Variants in PPP1R12A observed in about 807,000 individuals in gnomAD.
The protein encoded by PPP1R12A is protein phosphatase 1 regulatory subunit 12A, also known as myosin binding subunit.
A neutral mutation model predicts 139.6 loss-of-function variants in PPP1R12A; 19 were observed. The observed-to-expected ratio is 0.14, with a 90% CI of 0.09 to 0.20. The LOEUF (loss-of-function observed/expected upper bound fraction) is 0.20. Among genes scored for constraint, PPP1R12A ranks in the 10% least tolerant of loss-of-function variants. The pLI, the probability that PPP1R12A is intolerant of heterozygous loss-of-function variation, is 1.00. For synonymous variants in PPP1R12A, 427 were observed against 420.6 expected, an observed-to-expected ratio of 1.02 and a Z score of -0.19; for missense variants, 925 against 1,211.5, an observed-to-expected ratio of 0.76 and a Z score of 3.51.
Position 79,934,975 on chromosome 12 carries a change from G to T in PPP1R12A, c.-44C>A, listed in dbSNP as rs111390055. ...GTCTTCTTATCGCGAGGGGGGGAAG[G>T]GGGAGGCGGAGAGGGAAGAGAGGGG... On this transcript the variant is annotated 5_prime_UTR_variant, in exon 1 of 25. Transcript: ENST00000450142. 1 of 1,538,998 alleles carries T rather than the reference G, an allele frequency of 6.5e-7. No individual in the cohort carries two copies. Among genetic ancestry groups the T allele is most frequent in the Non-Finnish European group, 8.8e-7 (1 of 1,139,588 alleles).
intron 18 of PPP1R12A, 30 bp from the exon 19 acceptor site, chr12:79,793,958 G>T: frequency 1.4e-6 from 2 of 1,479,770 alleles, no homozygotes; most frequent in Non-Finnish European, 1.8e-6. Context: ...TTATATTTTA[G>T]GAAATTTTAG....
At chr12:79,883,168 C>A (rs1883803973) in intron 1 of PPP1R12A, among the ~76,000 whole-genome samples, 1 of 151,964 alleles carries the variant, frequency 6.6e-6, no homozygotes, top group Non-Finnish European at 1.5e-5. Context: ...ACAAAAAAAA[C>A]CCTCCACCAG....
intron 1 of PPP1R12A, among the ~76,000 whole-genome samples, chr12:79,894,671 G>C (rs779067142): frequency 2.6e-5 from 4 of 151,988 alleles, no homozygotes; most frequent in Non-Finnish European, 4.4e-5. Flanking sequence ...TCTTTTATTG[G>C]AAATCTTCCT....
chr12:79,796,674 T>C, intron 17 of PPP1R12A, 108 bp downstream of exon 17: 2 of 893,098 alleles, frequency 2.2e-6, no homozygotes, highest in Non-Finnish European at 3.2e-6. Flanking sequence ...GTTCGATGAA[T>C]CACAAGTTAG....
intron 20 of PPP1R12A, chr12:79,789,758 T>C (rs1346699080): frequency 2.5e-6 from 1 of 393,676 alleles, no homozygotes; most frequent in Non-Finnish European, 4.8e-6. Flanking sequence ...AAAAGATGGA[T>C]AATTTTGAAT....
chr12:79,880,227 C>G (rs892051619), intron 1 of PPP1R12A, among the ~76,000 whole-genome samples: 16 of 152,080 alleles, frequency 1.1e-4, no homozygotes, highest in Non-Finnish European at 2.4e-4. Context: ...ACTAAAATAT[C>G]ACGGAGGACA....
chr12:79,822,021 A>G, intron 6 of PPP1R12A, 95 bp downstream of exon 6: 4 of 919,062 alleles, frequency 4.4e-6, no homozygotes, highest in Non-Finnish European at 6.5e-6. Flanking sequence ...TTAAAACCAA[A>G]AAGTACAAAA....
chr12:79,816,130 T>C (rs1203779469), intron 9 of PPP1R12A, among the ~76,000 whole-genome samples: 1 of 152,132 alleles, frequency 6.6e-6, no homozygotes, highest in African/African-American at 2.4e-5. Context: ...ATGCACATAA[T>C]GTCAAACGAG....
At chr12:79,865,999 C>A (rs781044629) in intron 2 of PPP1R12A, among the ~76,000 whole-genome samples, 1 of 152,098 alleles carries the variant, frequency 6.6e-6, no homozygotes, top group Admixed American at 6.6e-5. Flanking sequence ...AAAAAAGAGC[C>A]GGCATAGCCA....
intron 2 of PPP1R12A, among the ~76,000 whole-genome samples, chr12:79,866,403 T>C (rs980216377): frequency 1.3e-5 from 2 of 152,170 alleles, no homozygotes; most frequent in African/African-American, 2.4e-5. Flanking sequence ...ATTCAGGACA[T>C]AGGCATGGGC....
intron 1 of PPP1R12A, among the ~76,000 whole-genome samples, chr12:79,923,192 T>C (rs548238387): frequency 3.3e-5 from 5 of 152,296 alleles, no homozygotes; most frequent in African/African-American, 9.6e-5. Context: ...GACAATCGCT[T>C]GAACCCAGGA....
intron 3 of PPP1R12A, among the ~76,000 whole-genome samples, chr12:79,838,124 G>A (rs1258344787): frequency 6.6e-6 from 1 of 152,200 alleles, no homozygotes; most frequent in Non-Finnish European, 1.5e-5. Context: ...TAGTGATATG[G>A]ACAATGAAGT....
At chr12:79,815,982 T>G (rs1489124380) in intron 9 of PPP1R12A, among the ~76,000 whole-genome samples, 1 of 15,566 alleles carries the variant, frequency 6.4e-5, no homozygotes, top group Non-Finnish European at 2.5e-3. Context: ...ACAGCAGGGA[T>G]TTTTTTTTTT....
intron 24 of PPP1R12A, chr12:79,777,752 G>C: frequency 1.6e-6 from 1 of 616,152 alleles, no homozygotes; most frequent in Non-Finnish European, 2.0e-6. Flanking sequence ...AAAATATTAC[G>C]TCTTAAAGGA....
At chr12:79,844,838 A>G (rs1374894271) in intron 3 of PPP1R12A, among the ~76,000 whole-genome samples, 1 of 152,084 alleles carries the variant, frequency 6.6e-6, no homozygotes, top group Non-Finnish European at 1.5e-5. Flanking sequence ...GCTTCTCTGC[A>G]TATACAAGAC....
At chr12:79,810,113 G>T in intron 9 of PPP1R12A, 103 bp from the exon 10 acceptor site, 1 of 933,406 alleles carries the variant, frequency 1.1e-6, no homozygotes, top group Admixed American at 3.0e-5. Context: ...TTAAAATTAT[G>T]GTTTACAGTT....
chr12:79,866,801 T>A (rs1215440870), intron 2 of PPP1R12A, among the ~76,000 whole-genome samples: 4 of 152,170 alleles, frequency 2.6e-5, no homozygotes, highest in Non-Finnish European at 1.5e-5. Context: ...ATGGCGATCA[T>A]TAAAAAGTTA....
At chr12:79,840,399 T>G (rs1401222142) in intron 3 of PPP1R12A, among the ~76,000 whole-genome samples, 1 of 152,194 alleles carries the variant, frequency 6.6e-6, no homozygotes, top group African/African-American at 2.4e-5. Context: ...GAACTCCCCC[T>G]CCTTATGGTT....
intron 8 of PPP1R12A, among the ~76,000 whole-genome samples, chr12:79,820,125 A>G (rs1011256775): frequency 6.6e-6 from 1 of 152,190 alleles, no homozygotes; most frequent in Non-Finnish European, 1.5e-5. Flanking sequence ...GATTACAGAA[A>G]AAAACTCATG....
Sources: gnomAD v4.1 joint callset for allele counts (sites outside exome capture counted in the v4.1 genomes callset) on GRCh38, gnomAD v4.1.1 for gene constraint, MANE v1.5 for transcripts, NCBI Gene and HGNC (gene_info 2026-07-23, HGNC 2026-07-21) for gene names.